Variants in CNGB1 observed in about 807,000 individuals in gnomAD.
The protein encoded by CNGB1 is cyclic nucleotide-gated channel beta-1.
In CNGB1, 126 loss-of-function variants were observed where a neutral mutation model predicts 151.7. The observed-to-expected ratio is 0.83, with a 90% CI of 0.72 to 0.96. CNGB1 has a LOEUF of 0.96. Among genes scored for constraint, CNGB1 ranks in the 40% least tolerant of loss-of-function variants. The probability of loss-of-function intolerance (pLI) is 0.00; values close to 1 mark genes in which losing one functional copy is unlikely to be tolerated. For missense variants in CNGB1, 1,698 were observed against 1,627.0 expected (o/e 1.04, Z -0.75); for synonymous variants, 623 against 635.1 (o/e 0.98, Z 0.29).
Position 57,920,465 on chromosome 16 carries a change from A to G in CNGB1, c.1723T>C (p.Phe575Leu). ...TTCACTTTCTCTGTCCGCTCCTTGA[A>G]GAGCTTCACCAGCTCCTGGAGCCGG... The part of the protein sequence containing the change: ...NDRLQELVKL[F>L]KERTEKVKEK... The change falls in exon 19 of 33, where the codon TTC (phenylalanine) becomes CTC (leucine). Residue 575 changes from phenylalanine to leucine, a missense_variant. Phe to Leu is a conservative substitution (Grantham distance 22). Transcript: ENST00000251102. 1 of 1,614,154 alleles carries G rather than the reference A, an allele frequency of 6.2e-7. No homozygotes were observed.
chr16:57,938,681 T>A (rs2149375553), intron 16 of CNGB1, among the ~76,000 whole-genome samples: 1 of 152,246 alleles, frequency 6.6e-6, no homozygotes, highest in African/African-American at 2.4e-5. Context: ...GAGCCTCAGT[T>A]TTCTCATCTG....
intron 29 of CNGB1, among the ~76,000 whole-genome samples, chr16:57,898,805 A>G (rs1442346965): frequency 6.6e-6 from 1 of 152,222 alleles, no homozygotes; most frequent in African/African-American, 2.4e-5. Flanking sequence ...CTGAACCCAG[A>G]CAGTCTGGTT....
chr16:57,952,493 C>CTTTTTTT lies in CNGB1; in HGVS notation c.875-1960_875-1954dup, dbSNP rs10598722. ...TGCGTGGGTGTTTTACAAGCATTTC[C>CTTTTTTT]TTTTTTTTTTTTTTTTTTTTTTTTT... On this transcript the variant is annotated intron_variant, in intron 12 of 32. Coordinates refer to ENST00000251102, the MANE Select transcript of CNGB1 (RefSeq NM_001297.5). 1.3e-4 allele frequency among the ~76,000 whole-genome samples: 8 copies of CTTTTTTT among 62,142 alleles called. 2 individuals are homozygous for CTTTTTTT. Among genetic ancestry groups the CTTTTTTT allele is most frequent in the Non-Finnish European group, 2.3e-4 (8 of 35,432 alleles). 40.8% of individuals were successfully genotyped at this position (62,142 alleles called of 152,430 possible).
At chr16:57,918,253 G>T (rs1408938694) in intron 20 of CNGB1, among the ~76,000 whole-genome samples, 5 of 152,014 alleles carry the variant, frequency 3.3e-5, no homozygotes, top group African/African-American at 1.2e-4. Flanking sequence ...GGGATTACAG[G>T]TGTGAGCCAA....
In CNGB1 at chr16:57,967,182, C is replaced by T. The variant is rs61997250; in HGVS notation, c.105G>A (p.Ala35=). Residue 35 remains alanine, a synonymous_variant, in exon 2 of 33, where the codon GCG becomes GCA. Coordinates refer to ENST00000251102, the MANE Select transcript of CNGB1 (RefSeq NM_001297.5). ...CAGGATTCGGTTCTGGTTCCACCTCCGCCTCCATCTCTGGCTCTGGTTCCA... is the reference window on the plus strand; with the variant it reads ...CAGGATTCGGTTCTGGTTCCACCTCTGCCTCCATCTCTGGCTCTGGTTCCA... ...EEVEPEPEME[A]EVEPEPNPEE... 0.026 allele frequency: 41,901 copies of T among 1,614,156 alleles called. 609 individuals carry two copies. The highest frequency in any genetic ancestry group is 0.031 in the Non-Finnish European group (36,364 of 1,180,018).
chr16:57,923,335 C>A lies in CNGB1; in HGVS notation c.1581G>T (p.Ala527=), dbSNP rs368368294. ...CCACTGGGGACTCTGCTGGTGACAA[C>A]GCCTTGAGCTCTTCAGCCTCATCAT... ...SEDDEAEELK[A]LSPAESPVVA... is the part of the protein sequence containing the mutation. Residue 527 remains alanine (A), a synonymous_variant, in exon 18 of 33, where the codon GCG becomes GCT. Coordinates refer to ENST00000251102, the MANE Select transcript of CNGB1 (RefSeq NM_001297.5). 1.2e-6 allele frequency: 2 copies of A among 1,612,804 alleles called. No individual in the cohort carries two copies. The highest frequency in any genetic ancestry group is 1.7e-6 in the Non-Finnish European group (2 of 1,179,516).
chr16:57,927,393 G>A (rs1961218818), intron 17 of CNGB1, among the ~76,000 whole-genome samples: 1 of 152,198 alleles, frequency 6.6e-6, no homozygotes, highest in African/African-American at 2.4e-5. Flanking sequence ...CAGAGAGGCA[G>A]GCCTCAGAAC....
intron 16 of CNGB1, among the ~76,000 whole-genome samples, chr16:57,932,662 C>T (rs1421213722): frequency 6.6e-6 from 1 of 150,696 alleles, no homozygotes; most frequent in Non-Finnish European, 1.5e-5. Flanking sequence ...TCATTGCAAG[C>T]TCCGCCTCCC....
intron 2 of CNGB1, among the ~76,000 whole-genome samples, 166 bp from the exon 3 acceptor site, chr16:57,964,710 A>G (rs1238528398): frequency 6.6e-6 from 1 of 152,000 alleles, no homozygotes; most frequent in Admixed American, 6.5e-5. Flanking sequence ...TCCACCTGGG[A>G]TACTCCCTTC....
intron 12 of CNGB1, among the ~76,000 whole-genome samples, chr16:57,953,948 T>C (rs1337918263): frequency 6.6e-6 from 1 of 152,124 alleles, no homozygotes; most frequent in African/African-American, 2.4e-5. Flanking sequence ...TCAGAAAGTC[T>C]GGGGTAGGAC....
Position 57,904,892 on chromosome 16 carries a change from A to G in CNGB1, c.2493-17T>C, listed in dbSNP as rs1390258133. On this transcript the variant is annotated splice_polypyrimidine_tract_variant and intron_variant, in intron 25 of 32. Transcript: ENST00000251102. Reference sequence around the variant, plus strand: ...CGAATATAACTGGAGAGAGAGGAGAAAGGGAACATGGGTCATCACAGGCCC... The same window carrying G: ...CGAATATAACTGGAGAGAGAGGAGAGAGGGAACATGGGTCATCACAGGCCC... 2 of 1,614,158 alleles carry G rather than the reference A, an allele frequency of 1.2e-6. No homozygotes were observed. The highest frequency in any genetic ancestry group is 2.2e-5 in the South Asian group (2 of 91,080).
intron 15 of CNGB1, 124 bp from the exon 16 acceptor site, chr16:57,939,716 G>T: frequency 1.5e-6 from 2 of 1,352,078 alleles, no homozygotes; most frequent in Non-Finnish European, 2.1e-6. Context: ...GCCCTGCCCA[G>T]CCAGTCAGGT....
intron 15 of CNGB1, among the ~76,000 whole-genome samples, 186 bp from the exon 16 acceptor site, chr16:57,939,778 G>A (rs755200349): frequency 2.4e-4 from 37 of 152,178 alleles, no homozygotes; most frequent in Non-Finnish European, 5.0e-4. Context: ...ACCTGTAGAG[G>A]GCAGTGCACC....
intron 17 of CNGB1, among the ~76,000 whole-genome samples, chr16:57,924,061 C>T (rs1961120411): frequency 6.6e-6 from 1 of 152,134 alleles, no homozygotes; most frequent in Admixed American, 6.6e-5. Flanking sequence ...ATCTGAAATC[C>T]ACCTGAATTT....
chr16:57,888,066 AG>A lies in CNGB1; in HGVS notation c.3250del (p.Leu1084Ter). On this transcript the variant is annotated frameshift_variant, in exon 32 of 33. Coordinates refer to ENST00000251102, the MANE Select transcript of CNGB1 (RefSeq NM_001297.5). LOFTEE classifies it high-confidence loss of function. Reference protein sequence around the residue: ...KLLRKKARRMLRSNNKPKEEK... With the variant: ...KLLRKKARRMXRSNNKPKEEK... ...CTCCTTGGGCTTATTGTTGCTTCTC[AG>A]CATGCGCCTGGAAGAAAGCAGCATC... 1 of 1,613,822 alleles carries A rather than the reference AG, an allele frequency of 6.2e-7. No homozygotes were observed. Among genetic ancestry groups the A allele is most frequent in the Non-Finnish European group, 8.5e-7 (1 of 1,179,968 alleles).
At chr16:57,950,616 T>C (rs1232550233) in intron 12 of CNGB1, 76 bp from the exon 13 acceptor site, 18 of 1,521,522 alleles carry the variant, frequency 1.2e-5, no homozygotes, top group Non-Finnish European at 1.6e-5. Context: ...CCAGGGAGCC[T>C]GCAGGGAGCC....
intron 20 of CNGB1, among the ~76,000 whole-genome samples, chr16:57,918,326 C>A (rs181130713): frequency 6.6e-6 from 1 of 152,086 alleles, no homozygotes. Context: ...GTCCTGCCCC[C>A]CAAATGTGTG....
chr16:57,898,045 A>C, intron 29 of CNGB1, 131 bp from the exon 30 acceptor site: 1 of 881,384 alleles, frequency 1.1e-6, no homozygotes, highest in Non-Finnish European at 1.9e-6. Flanking sequence ...CTGCCACCAC[A>C]ACTTGGGGTG....
At chr16:57,934,597 G>C (rs1290504183) in intron 16 of CNGB1, among the ~76,000 whole-genome samples, 1 of 152,162 alleles carries the variant, frequency 6.6e-6, no homozygotes, top group Non-Finnish European at 1.5e-5. Context: ...GGGGCTCCCA[G>C]AGACTGGGGA....
Sources: allele counts gnomAD v4.1 joint callset (sites outside exome capture counted in the v4.1 genomes callset), GRCh38; gene constraint gnomAD v4.1.1; transcripts MANE v1.5; gene names NCBI Gene and HGNC (gene_info 2026-07-23, HGNC 2026-07-21).